Variants in LPP observed in about 807,000 individuals in gnomAD.
LPP encodes the protein LIM domain containing preferred translocation partner in lipoma.
In LPP, 38 loss-of-function variants were observed where a neutral mutation model predicts 60.4. The ratio of observed to expected loss-of-function variants is 0.63; its 90% CI spans 0.49 to 0.83. LPP has a LOEUF of 0.83. Ranked by LOEUF, LPP falls within the 40% of genes least tolerant of loss-of-function variation. The pLI is 0.00. For synonymous variants in LPP, 328 were observed against 290.8 expected, an observed-to-expected ratio of 1.13 and a Z score of -1.30; for missense variants, 902 against 783.6, an observed-to-expected ratio of 1.15 and a Z score of -1.80.
At chr3:188,751,100 C>T (rs1282558054) in intron 8 of LPP, among the ~76,000 whole-genome samples, 1 of 152,188 alleles carries the variant, frequency 6.6e-6, no homozygotes, top group African/African-American at 2.4e-5. Context: ...TGCTTGATGA[C>T]TTCACAGAGG....
intron 2 of LPP, among the ~76,000 whole-genome samples, chr3:188,232,923 T>C (rs1280952221): frequency 6.6e-6 from 1 of 151,512 alleles, no homozygotes; most frequent in Non-Finnish European, 1.5e-5. Flanking sequence ...ACCTATTGAG[T>C]GTGGTACTTC....
At chr3:188,511,384 G>GA (rs1321526533) in intron 5 of LPP, among the ~76,000 whole-genome samples, 1 of 127,216 alleles carries the variant, frequency 7.9e-6, no homozygotes, top group Admixed American at 9.6e-5. Flanking sequence ...TTGAATATTT[G>GA]AAAAATATTT....
chr3:188,727,596 C>T (rs1208164731), intron 8 of LPP, among the ~76,000 whole-genome samples: 4 of 152,010 alleles, frequency 2.6e-5, no homozygotes, highest in African/African-American at 9.7e-5. Context: ...GAAATAGAAC[C>T]CTAACCTTGA....
chr3:188,832,245 T>C (rs1312289718), intron 9 of LPP, among the ~76,000 whole-genome samples: 1 of 152,148 alleles, frequency 6.6e-6, no homozygotes, highest in Admixed American at 6.5e-5. Flanking sequence ...CCTTGACAGC[T>C]TGAGGAAATA....
intron 3 of LPP, among the ~76,000 whole-genome samples, chr3:188,382,964 C>T (rs915519159): frequency 2.0e-5 from 3 of 152,094 alleles, no homozygotes; most frequent in African/African-American, 7.2e-5. Flanking sequence ...TCTTAAAACC[C>T]GTAGGGACAT....
intron 8 of LPP, among the ~76,000 whole-genome samples, chr3:188,728,353 A>T (rs912922201): frequency 6.6e-6 from 1 of 152,192 alleles, no homozygotes; most frequent in African/African-American, 2.4e-5. Flanking sequence ...AACTATCTGC[A>T]AAAGAACCTG....
rs562995492 is a variant in LPP, at chr3:188,360,650, T to A, written c.-10+18931T>A. The stretch of plus-strand genomic sequence containing the variant: ...GGGATTACAGTCATGAGCCACCACA[T>A]CTGGCCTGAATTAGACAACTTCTTA... On this transcript the variant is annotated intron_variant, in intron 3 of 11. Coordinates refer to ENST00000617246, the MANE Select transcript of LPP (RefSeq NM_001375462.1). 1.5e-4 allele frequency among the ~76,000 whole-genome samples: 23 copies of A among 152,238 alleles called. No homozygotes were observed. The South Asian group carries it at 1.9e-3, about 12-fold the overall frequency.
intron 2 of LPP, among the ~76,000 whole-genome samples, chr3:188,266,260 C>T (rs1324979710): frequency 6.6e-6 from 1 of 152,102 alleles, no homozygotes; most frequent in Non-Finnish European, 1.5e-5. Context: ...TCACATATCC[C>T]AGAAGTTTAA....
intron 9 of LPP, among the ~76,000 whole-genome samples, chr3:188,857,930 G>A (rs1306628748): frequency 6.6e-6 from 1 of 152,060 alleles, no homozygotes; most frequent in Non-Finnish European, 1.5e-5. Context: ...ATTTGTATAG[G>A]GAATTTATAA....
At chr3:188,328,135 T>A (rs980980105) in intron 2 of LPP, among the ~76,000 whole-genome samples, 1 of 152,176 alleles carries the variant, frequency 6.6e-6, no homozygotes, top group African/African-American at 2.4e-5. Context: ...ATACCAAAAC[T>A]TGACAGTTTT....
chr3:188,583,721 T>C (rs1051565142), intron 6 of LPP, among the ~76,000 whole-genome samples: 4 of 152,156 alleles, frequency 2.6e-5, no homozygotes, highest in African/African-American at 9.7e-5. Context: ...TCAGTAAATA[T>C]TTGATGAATG....
At chr3:188,646,383 A>T (rs1346679826) in intron 7 of LPP, among the ~76,000 whole-genome samples, 1 of 152,172 alleles carries the variant, frequency 6.6e-6, no homozygotes, top group Non-Finnish European at 1.5e-5. Flanking sequence ...GGAACCCTAT[A>T]AGCTAGCCCC....
intron 7 of LPP, among the ~76,000 whole-genome samples, chr3:188,695,011 A>G (rs1560077028): frequency 6.6e-6 from 1 of 152,152 alleles, no homozygotes; most frequent in Admixed American, 6.5e-5. Context: ...GGAATTGATG[A>G]CTGGATTCAA....
rs75251663 is a variant in LPP, at chr3:188,182,204, C to T, written c.-190+27952C>T. ...CTGCAAGTTTATCCCTTCACAATGC[C>T]TACATTTAGATTGCAACTCCAGGCT... is the stretch of plus-strand genomic sequence containing the variant. On this transcript the variant is annotated intron_variant, in intron 1 of 11. Transcript: ENST00000617246. This position sits in a 1 kb window ranked among gnomAD's most constrained non-coding sequence, Gnocchi z 4.4. 0.033 allele frequency among the ~76,000 whole-genome samples: 4,980 copies of T among 152,240 alleles called. 118 individuals are homozygous for T. Among genetic ancestry groups the T allele is most frequent in the South Asian group, 0.091 (440 of 4,818 alleles).
intron 4 of LPP, among the ~76,000 whole-genome samples, chr3:188,439,259 C>T (rs571421426): frequency 2.0e-5 from 3 of 152,224 alleles, no homozygotes; most frequent in South Asian, 4.2e-4. Context: ...GGGTTACAGC[C>T]GTGACTCACT....
intron 7 of LPP, among the ~76,000 whole-genome samples, chr3:188,630,672 G>GC (rs1403341935): frequency 6.6e-6 from 1 of 152,090 alleles, no homozygotes; most frequent in Non-Finnish European, 1.5e-5. Flanking sequence ...AGTAATTGTG[G>GC]TTTCTGCCAT....
intron 2 of LPP, among the ~76,000 whole-genome samples, chr3:188,308,328 G>C (rs1358007782): frequency 2.0e-5 from 3 of 152,106 alleles, no homozygotes; most frequent in Admixed American, 6.5e-5. Context: ...ATGAAAAACT[G>C]TCTATAACTC....
At chr3:188,735,576 G>T (rs1041451122) in intron 8 of LPP, among the ~76,000 whole-genome samples, 5 of 151,756 alleles carry the variant, frequency 3.3e-5, no homozygotes, top group African/African-American at 1.2e-4. Context: ...TAGAGATGGG[G>T]TTTCACCATG....
chr3:188,409,303 A>G (rs2148903259), intron 4 of LPP, among the ~76,000 whole-genome samples: 1 of 152,324 alleles, frequency 6.6e-6, no homozygotes, highest in Non-Finnish European at 1.5e-5. Context: ...ATGCAAGAGA[A>G]GAAATTTTCC....
Sources: gnomAD v4.1 joint callset for allele counts (sites outside exome capture counted in the v4.1 genomes callset) on GRCh38, gnomAD v4.1.1 for gene constraint, Gnocchi (gnomAD v3.1) non-coding constraint, MANE v1.5 for transcripts, NCBI Gene and HGNC (gene_info 2026-07-23, HGNC 2026-07-21) for gene names.